COMMD1: variants seen among roughly 807,000 people sequenced by gnomAD.
COMMD1 encodes COMM domain-containing protein 1.
A neutral mutation model predicts 17.2 loss-of-function variants in COMMD1; 10 were observed. That is an observed-to-expected ratio of 0.58 (90% confidence interval 0.36 to 0.99). The LOEUF is 0.99. Ranked by LOEUF, COMMD1 falls within the 50% of genes least tolerant of loss-of-function variation. The pLI, the probability that COMMD1 is intolerant of heterozygous loss-of-function variation, is 0.01. For synonymous variants in COMMD1, 97 were observed against 91.6 expected, an observed-to-expected ratio of 1.06 and a Z score of -0.34; for missense variants, 270 against 231.8, an observed-to-expected ratio of 1.17 and a Z score of -1.07.
chr2:61,929,596 A>C (rs778041801), intron 1 of COMMD1, among the ~76,000 whole-genome samples: 1 of 152,200 alleles, frequency 6.6e-6, no homozygotes, highest in Non-Finnish European at 1.5e-5. Flanking sequence ...CTGTTTCTTC[A>C]GGTCTACACT....
intron 1 of COMMD1, among the ~76,000 whole-genome samples, chr2:61,983,317 G>A (rs1191229251): frequency 2.6e-5 from 4 of 151,782 alleles, no homozygotes; most frequent in Middle Eastern, 3.2e-3. Context: ...AGCCTCCTGA[G>A]TAGTTAGGAC....
At chr2:62,022,993 G>A (rs1027279506) in intron 2 of COMMD1, among the ~76,000 whole-genome samples, 1 of 152,130 alleles carries the variant, frequency 6.6e-6, no homozygotes, top group Non-Finnish European at 1.5e-5. Flanking sequence ...TTGGGAGGCC[G>A]AGGTGGGCAG....
intron 2 of COMMD1, among the ~76,000 whole-genome samples, chr2:62,113,483 A>G (rs1672511362): frequency 6.6e-6 from 1 of 152,210 alleles, no homozygotes; most frequent in South Asian, 2.1e-4. Flanking sequence ...TCCCAGGTTC[A>G]AGCGATTCCC....
intron 2 of COMMD1, among the ~76,000 whole-genome samples, chr2:62,014,203 C>T (rs910442654): frequency 1.3e-5 from 2 of 152,138 alleles, no homozygotes; most frequent in African/African-American, 2.4e-5. Flanking sequence ...TGTTGGACTT[C>T]GTTCAGCTGT....
intron 1 of COMMD1, among the ~76,000 whole-genome samples, chr2:61,995,115 A>C (rs967334620): frequency 1.8e-4 from 28 of 152,146 alleles, no homozygotes; most frequent in African/African-American, 6.3e-4. Context: ...TTTCATTAAA[A>C]ACATTTTTAA....
intron 1 of COMMD1, among the ~76,000 whole-genome samples, chr2:61,943,120 AGAG>A (rs1181442214): frequency 2.0e-5 from 3 of 152,212 alleles, no homozygotes; most frequent in African/African-American, 7.2e-5. Context: ...GCAGAGAGAT[AGAG>A]AACTTAGGAA....
At chr2:61,929,248 ACAGAATGACTTT>A (rs1670402581) in intron 1 of COMMD1, among the ~76,000 whole-genome samples, 1 of 152,250 alleles carries the variant, frequency 6.6e-6, no homozygotes, top group Non-Finnish European at 1.5e-5. Context: ...TGTGAAGGAC[ACAGAATGACTTT>A]CAGAAAGTCC....
rs539731043 is a variant in COMMD1, at chr2:62,061,398, A to G, written c.462+60416A>G. Among the ~76,000 whole-genome samples, 121 of 152,234 alleles carry G rather than the reference A, an allele frequency of 7.9e-4. No individual in the cohort carries two copies. The Middle Eastern group carries it at 0.017, about 21-fold the overall frequency. On this transcript the variant is annotated intron_variant, in intron 2 of 2. Coordinates refer to ENST00000311832, the MANE Select transcript of COMMD1 (RefSeq NM_152516.4). ...TAACACCAGCCCCTCTCTTGCCTTC[A>G]GTGGGTACCTGCTGAAACTTCTGTT...
chr2:61,898,132 C>A (rs1030036264), intron 1 of COMMD1, among the ~76,000 whole-genome samples: 2 of 152,172 alleles, frequency 1.3e-5, no homozygotes, highest in African/African-American at 4.8e-5. Context: ...GACAGTCATT[C>A]ATTTCTGTAT....
At chr2:61,913,691 G>C in intron 1 of COMMD1, among the ~76,000 whole-genome samples, 1 of 151,378 alleles carries the variant, frequency 6.6e-6, no homozygotes. Flanking sequence ...AGCTACTCAG[G>C]AGGCTGGGGC....
intron 2 of COMMD1, among the ~76,000 whole-genome samples, chr2:62,046,809 T>C (rs559295996): frequency 6.6e-6 from 1 of 152,350 alleles, no homozygotes; most frequent in South Asian, 2.1e-4. Flanking sequence ...CTGCAATAGC[T>C]ACAGCATTGG....
At chr2:62,078,565 A>T (rs1373561084) in intron 2 of COMMD1, among the ~76,000 whole-genome samples, 1,743 of 144,338 alleles carry the variant, frequency 0.012, 39 homozygotes, top group African/African-American at 0.043. Flanking sequence ...AAAAAAAAAA[A>T]AAAGAAAAGA....
chr2:62,084,192 G>A (rs1157026676), intron 2 of COMMD1, among the ~76,000 whole-genome samples: 3 of 151,992 alleles, frequency 2.0e-5, no homozygotes, highest in African/African-American at 7.2e-5. Context: ...AGCAACAAAG[G>A]GGTTAAGGGA....
intron 2 of COMMD1, among the ~76,000 whole-genome samples, chr2:62,019,942 C>A (rs1669567294): frequency 6.6e-6 from 1 of 152,200 alleles, no homozygotes; most frequent in African/African-American, 2.4e-5. Context: ...ACAATACACT[C>A]TTCAGCCACA....
intron 1 of COMMD1, among the ~76,000 whole-genome samples, chr2:61,892,078 GC>G (rs1669446065): frequency 6.6e-6 from 1 of 151,784 alleles, no homozygotes. Context: ...TGATCCGCCT[GC>G]CTTGGCCTCC....
intron 2 of COMMD1, among the ~76,000 whole-genome samples, chr2:62,115,607 A>G (rs1030194124): frequency 2.0e-5 from 3 of 152,162 alleles, no homozygotes; most frequent in Admixed American, 6.5e-5. Context: ...TTGAATATAG[A>G]CTGTATTAGA....
intron 2 of COMMD1, among the ~76,000 whole-genome samples, chr2:62,048,553 A>G (rs564428011): frequency 6.6e-6 from 1 of 152,282 alleles, no homozygotes; most frequent in East Asian, 1.9e-4. Flanking sequence ...TAAAATATTA[A>G]TGGTCATGCA....
intron 2 of COMMD1, among the ~76,000 whole-genome samples, chr2:62,009,241 G>T (rs2103825688): frequency 1.3e-5 from 2 of 152,184 alleles, no homozygotes; most frequent in South Asian, 4.2e-4. Context: ...TAAAGTTATG[G>T]TCTTCAACTT....
upstream of COMMD1, among the ~76,000 whole-genome samples, chr2:61,901,456 C>T (rs765879017): frequency 9.2e-5 from 14 of 151,730 alleles, 1 homozygote; most frequent in Non-Finnish European, 1.6e-4. Context: ...AACCTTATCT[C>T]CACTAAAAAT....
Sources: allele counts gnomAD v4.1 joint callset (sites outside exome capture counted in the v4.1 genomes callset), GRCh38; gene constraint gnomAD v4.1.1; transcripts MANE v1.5; gene names NCBI Gene and HGNC (gene_info 2026-07-23, HGNC 2026-07-21).